The following AKR1C1 variants were observed in gnomAD, a reference collection of about 807,000 sequenced individuals.
AKR1C1 encodes 20 alpha-hydroxysteroid dehydrogenase.
In AKR1C1, 32 loss-of-function variants were observed where a neutral mutation model predicts 40.6. The ratio of observed to expected loss-of-function variants is 0.79; its 90% CI spans 0.60 to 1.06. The LOEUF is 1.06. Ranked by LOEUF, AKR1C1 falls within the 50% of genes least tolerant of loss-of-function variation. AKR1C1 has a pLI of 0.00. For missense variants in AKR1C1, 320 were observed against 363.5 expected (o/e 0.88, Z 0.97); for synonymous variants, 105 against 134.2 (o/e 0.78, Z 1.50).
chr10:4,963,752 C>T (rs1836284417), intron 1 of AKR1C1: 13 of 758,046 alleles, frequency 1.7e-5, no homozygotes, highest in Non-Finnish European at 2.9e-5. Context: ...GTCTATACAA[C>T]TCAGCAGAAA....
chr10:4,977,947 T>C lies in AKR1C1; in HGVS notation c.*205T>C, dbSNP rs1286709354. The stretch of plus-strand genomic sequence containing the variant: ...CATTTTGAAAAAATTAAATGCTCTC[T>C]CCTAAAGATTCTTCACCTACTTTGG... On this transcript the variant is annotated 3_prime_UTR_variant, in exon 9 of 9. Coordinates refer to ENST00000380872, the MANE Select transcript of AKR1C1 (RefSeq NM_001353.6). 1.0e-5 allele frequency: 7 copies of C among 670,962 alleles called. No homozygotes were observed. Among genetic ancestry groups the C allele is most frequent in the Non-Finnish European group, 1.7e-5 (7 of 407,340 alleles). 41.6% of individuals were successfully genotyped at this position (670,962 alleles called of 1,614,324 possible).
In AKR1C1 at chr10:4,980,813, G is replaced by A. The variant is rs1836603431; in HGVS notation, c.*3071G>A. ...AAACTCCTGTTCAAGTAAATGTTTT[G>A]CCCTCCTGTCACGAATCATGAATGT... On this transcript the variant is annotated 3_prime_UTR_variant, in exon 9 of 9. Transcript: ENST00000380872. 1 of 152,060 alleles carries A rather than the reference G, an allele frequency of 6.6e-6. No homozygotes were observed. Among genetic ancestry groups the A allele is most frequent in the African/African-American group, 2.4e-5 (1 of 41,384 alleles). 9.4% of individuals were successfully genotyped at this position (152,060 alleles called of 1,614,324 possible). A position where few individuals can be genotyped will look rare whatever the true frequency, so the allele number is the denominator to read the frequency against.
At chr10:4,968,969 T>C in intron 5 of AKR1C1, 25 bp downstream of exon 5, 2 of 1,614,090 alleles carry the variant, frequency 1.2e-6, no homozygotes, top group Non-Finnish European at 1.7e-6. Flanking sequence ...CCTCCTCTCC[T>C]TTCTGTTCTT....
chr10:4,969,842 A>ACT, intron 5 of AKR1C1: 1 of 1,169,344 alleles, frequency 8.6e-7, no homozygotes, highest in South Asian at 1.4e-5. Flanking sequence ...ACTTAGAGTC[A>ACT]ATCAGTGAAG....
Position 4,977,731 on chromosome 10 carries a change from G to T in AKR1C1, c.961G>T (p.Asp321Tyr), listed in dbSNP as rs2131650416. The T allele has an allele frequency of 2.1e-5, 34 of 1,609,640 alleles. No individual in the cohort carries two copies. The highest frequency in any genetic ancestry group is 2.8e-5 in the Non-Finnish European group (33 of 1,178,792). ...TGGCCCCCCTAATTATCCATTTTCT[G>T]ATGAATATTAACATGGAGGGCATTG... ...FAGPPNYPFS[D>Y]EY The change falls in exon 9 of 9, where the codon GAT (aspartate) becomes TAT (tyrosine). Residue 321 changes from aspartate to tyrosine, a missense_variant. Asp to Tyr is a radical substitution (Grantham distance 160). Around this residue, in one of 3 missense-constraint regions of AKR1C1, gnomAD observed 29 missense variants for 23.4 expected, o/e 1.24. Coordinates refer to ENST00000380872, the MANE Select transcript of AKR1C1 (RefSeq NM_001353.6).
In AKR1C1 at chr10:4,977,787, G is replaced by T. The variant is rs1554770658; in HGVS notation, c.*45G>T. 6 of 1,473,974 alleles carry T rather than the reference G, an allele frequency of 4.1e-6. No homozygotes were observed. The highest frequency in any genetic ancestry group is 5.7e-6 in the Non-Finnish European group (6 of 1,056,770). 91.3% of individuals were successfully genotyped at this position (1,473,974 alleles called of 1,614,324 possible). A position where few individuals can be genotyped will look rare whatever the true frequency, so the allele number is the denominator to read the frequency against. Reference sequence around the variant, plus strand: ...GGTCTGCCAGAAGGCCCTGCGTGTGGATGGTGACACAGAGGATGGCTCTAT... The same window carrying T: ...GGTCTGCCAGAAGGCCCTGCGTGTGTATGGTGACACAGAGGATGGCTCTAT... On this transcript the variant is annotated 3_prime_UTR_variant, in exon 9 of 9. Coordinates refer to ENST00000380872, the MANE Select transcript of AKR1C1 (RefSeq NM_001353.6).
At chr10:4,966,208 CTCAT>C (rs1237226535) in intron 2 of AKR1C1, 127 bp downstream of exon 2, 1 of 1,468,756 alleles carries the variant, frequency 6.8e-7, no homozygotes, top group African/African-American at 1.4e-5. Flanking sequence ...TTCACACTTA[CTCAT>C]GTATTAAAAC....
chr10:4,965,753 A>G (rs1204279145), intron 1 of AKR1C1, 161 bp from the exon 2 acceptor site: 4 of 782,344 alleles, frequency 5.1e-6, no homozygotes, highest in South Asian at 5.0e-5. Flanking sequence ...TTTATTACTA[A>G]CTGGGAAAGA....
chr10:4,969,392 T>G (rs1256270053), intron 5 of AKR1C1, among the ~76,000 whole-genome samples: 2 of 152,256 alleles, frequency 1.3e-5, no homozygotes, highest in Non-Finnish European at 2.9e-5. Flanking sequence ...GCTTCGGATG[T>G]CTCAGTGCCT....
chr10:4,970,694 G>T (rs1836410462), intron 5 of AKR1C1, among the ~76,000 whole-genome samples: 1 of 151,656 alleles, frequency 6.6e-6, no homozygotes, highest in African/African-American at 2.4e-5. Context: ...ATCATTGTCA[G>T]TAAACTATCG....
rs142200840 is a variant in AKR1C1 at position 4,972,743 on chromosome 10, C to A, written c.840C>A (p.Asn280Lys). The part of the protein sequence containing the change: ...KSYNEQRIRQ[N>K]VQVFEFQLTS... ...ACAATGAGCAGCGCATCAGACAGAA[C>A]GTGCAGGTGAGGAGCGGGGCTGTGG... The change falls in exon 7 of 9, where the codon AAC becomes AAA. Residue 280 changes from asparagine (N) to lysine (K), a missense_variant. Physicochemically the swap from Asn to Lys is moderately conservative, Grantham distance 94. This residue lies in a region of AKR1C1 where 77 missense variants were observed against 125.3 expected (regional missense o/e 0.61). Transcript: ENST00000380872. The A allele has an allele frequency of 0.016, 25,038 of 1,612,066 alleles. 123 individuals carry two copies. Among genetic ancestry groups the A allele is most frequent in the Middle Eastern group, 0.036 (160 of 4,454 alleles).
chr10:4,963,449 A>T lies in AKR1C1; in HGVS notation c.5A>T (p.Asp2Val), dbSNP rs1284919501. 1.9e-6 allele frequency: 3 copies of T among 1,614,060 alleles called. No homozygotes were observed. Among genetic ancestry groups the T allele is most frequent in the African/African-American group, 1.3e-5 (1 of 75,024 alleles). The change falls in exon 1 of 9, where the codon GAT (aspartate) becomes GTT (valine). Residue 2 changes from aspartate (D) to valine (V), a missense_variant. Asp to Val is a radical substitution (Grantham distance 152, BLOSUM62 -3). Coordinates refer to ENST00000380872, the MANE Select transcript of AKR1C1 (RefSeq NM_001353.6). M[D>V]SKYQCVKLND... is the part of the protein sequence containing the mutation. ...CCAGCCAGGCTAGTGACAGAAATGG[A>T]TTCGAAATATCAGTGTGTGAAGCTG...
At position 4,981,990 on chromosome 10, in the gene AKR1C1, A is replaced by G. The variant is rs558955182; in HGVS notation, c.*4248A>G. On this transcript the variant is annotated 3_prime_UTR_variant, in exon 9 of 9. Coordinates refer to ENST00000380872, the MANE Select transcript of AKR1C1 (RefSeq NM_001353.6). The stretch of plus-strand genomic sequence containing the variant: ...CACTGCATGAATGAAAGGAATGAAA[A>G]TAGCCTTGCCAACTGCATAGGTGCT... The G allele has an allele frequency of 1.1e-4, 16 of 152,380 alleles. No individual in the cohort carries two copies. Among genetic ancestry groups the G allele is most frequent in the African/African-American group, 3.6e-4 (15 of 41,570 alleles). The allele number at this position is 152,380 out of a possible 1,614,324, so 9.4% of individuals were successfully genotyped here.
rs1302245253 is a variant in AKR1C1 at position 4,968,867 on chromosome 10, G to A, written c.493G>A (p.Val165Met). Reference protein sequence around the residue: ...KDAGLAKSIGVSNFNRRQLEM... With the variant: ...KDAGLAKSIGMSNFNRRQLEM... ...TGCAGGATTGGCCAAGTCCATCGGG[G>A]TGTCCAACTTCAACCGCAGGCAGCT... The change falls in exon 5 of 9, where the codon GTG becomes ATG. Residue 165 changes from valine to methionine, a missense_variant. By Grantham distance (21) the Val-to-Met change is conservative. Transcript: ENST00000380872. The A allele has an allele frequency of 1.9e-6, 3 of 1,614,176 alleles. No homozygotes were observed. The highest frequency in any genetic ancestry group is 1.6e-4 in the Middle Eastern group (1 of 6,062).
intron 1 of AKR1C1, among the ~76,000 whole-genome samples, chr10:4,965,109 T>C (rs1300380657): frequency 6.6e-6 from 1 of 152,358 alleles, no homozygotes; most frequent in East Asian, 1.9e-4. Context: ...GCATCTCTTG[T>C]AGACAACAGT....
chr10:4,964,117 A>G lies in AKR1C1; in HGVS notation c.84+589A>G, dbSNP rs185908548. Among the ~76,000 whole-genome samples, 1,062 of 152,308 alleles carry G rather than the reference A, an allele frequency of 7.0e-3. 6 individuals are homozygous for G. Among genetic ancestry groups the G allele is most frequent in the Middle Eastern group, 0.02 (6 of 294 alleles). ...ATTTAAATTCTTTTTCTTTGTTAAT[A>G]TGGGTCAAATTTGTATCAAAATATT... On this transcript the variant is annotated intron_variant, in intron 1 of 8. Transcript: ENST00000380872.
Position 4,965,945 on chromosome 10 carries a change from A to G in AKR1C1, c.116A>G (p.Lys39Arg), listed in dbSNP as rs149693250. ...AAAAGTAAAGCTTTAGAGGCCACCAAATTGGCAATTGAAGCTGGCTTCCGC... is the reference window on the plus strand; with the variant it reads ...AAAAGTAAAGCTTTAGAGGCCACCAGATTGGCAATTGAAGCTGGCTTCCGC... ...VPKSKALEAT[K>R]LAIEAGFRHI... is the part of the protein sequence containing the mutation. The change falls in exon 2 of 9, where the codon AAA becomes AGA. Residue 39 changes from lysine (K) to arginine (R), a missense_variant. Transcript: ENST00000380872. 6.2e-4 allele frequency: 1,000 copies of G among 1,614,208 alleles called. 10 individuals carry two copies. In the African/African-American group the frequency reaches 0.012, roughly 19 times the overall value.
chr10:4,971,632 A>G (rs1836430091), intron 5 of AKR1C1, among the ~76,000 whole-genome samples: 2 of 149,376 alleles, frequency 1.3e-5, no homozygotes, highest in South Asian at 2.1e-4. Context: ...ATATCAACAT[A>G]CAAATCCATC....
intron 8 of AKR1C1, 102 bp from the exon 9 acceptor site, chr10:4,977,598 C>T (rs1485558168): frequency 7.2e-7 from 1 of 1,393,626 alleles, no homozygotes; most frequent in Non-Finnish European, 9.9e-7. Flanking sequence ...AAATGAACTT[C>T]TTAACATCTA....
Sources: gnomAD v4.1 joint callset for allele counts (sites outside exome capture counted in the v4.1 genomes callset) on GRCh38, gnomAD v4.1.1 for gene constraint, gnomAD v4.1.1 regional missense constraint, MANE v1.5 for transcripts, NCBI Gene and HGNC (gene_info 2026-07-23, HGNC 2026-07-21) for gene names.